The following DSC3 variants were observed in gnomAD, a reference collection of about 807,000 sequenced individuals.
DSC3 encodes desmocollin 3.
DSC3 carries 97 observed loss-of-function variants against 89.5 expected under a neutral mutation model. The ratio of observed to expected loss-of-function variants is 1.08; its 90% CI spans 0.92 to 1.28. The LOEUF (loss-of-function observed/expected upper bound fraction) is 1.28, where lower values mean the gene tolerates loss of function less well. Ranked by LOEUF, DSC3 falls within the 50% of genes most tolerant of loss-of-function variation. The pLI is 0.00. For synonymous variants in DSC3, 436 were observed against 384.1 expected (o/e 1.14, Z -1.58); for missense variants, 1,199 against 1,085.3 (o/e 1.10, Z -1.47).
rs150281676 is a variant in DSC3 at position 31,024,456 on chromosome 18, G to T, written c.668C>A (p.Ala223Glu). Residue 223 changes from alanine to glutamate, a missense_variant, in exon 6 of 16, where the codon GCA becomes GAA. Coordinates refer to ENST00000360428, the MANE Select transcript of DSC3 (RefSeq NM_001941.5). Reference protein sequence around the residue: ...AYASTADGYSADLPLPLPIRV... With the variant: ...AYASTADGYSEDLPLPLPIRV... ...GATGGGTAGTGGGAGGGGCAGATCT[G>T]CTGAATATCCATCTGCAGTTGACGC... 6.2e-7 allele frequency: 1 copy of T among 1,612,700 alleles called. No homozygotes were observed.
intron 12 of DSC3, among the ~76,000 whole-genome samples, chr18:31,005,282 G>A (rs1417854370): frequency 6.6e-6 from 1 of 152,158 alleles, no homozygotes; most frequent in African/African-American, 2.4e-5. Context: ...GCTCCCTCAA[G>A]ACAACAAGTG....
At chr18:31,000,621 A>C (rs1984619992) in intron 14 of DSC3, among the ~76,000 whole-genome samples, 1 of 152,174 alleles carries the variant, frequency 6.6e-6, no homozygotes, top group Admixed American at 6.5e-5. Context: ...GATTTCTTCT[A>C]TTCTAAATCA....
At position 31,029,564 on chromosome 18, in the gene DSC3, A is replaced by AT; in HGVS notation, c.418dup (p.Ile140AsnfsTer21). The AT allele has an allele frequency of 6.2e-7, 1 of 1,613,902 alleles. No individual in the cohort carries two copies. The highest frequency in any genetic ancestry group is 8.5e-7 in the Non-Finnish European group (1 of 1,179,764). On this transcript the variant is annotated frameshift_variant, in exon 4 of 16. Transcript: ENST00000360428. LOFTEE classifies it high-confidence loss of function. ...GGAATTCTCTTGCATAGAGCAAGGA[A>AT]TAGGTGCCCATCTCCTCTTGGCACG...
intron 11 of DSC3, among the ~76,000 whole-genome samples, chr18:31,007,676 A>G (rs1042432218): frequency 9.2e-5 from 14 of 152,190 alleles, no homozygotes; most frequent in Admixed American, 8.5e-4. Flanking sequence ...ATGCAGCTGA[A>G]CTATATAAAA....
At chr18:31,032,092 A>G in intron 2 of DSC3, 100 bp downstream of exon 2, 1 of 795,204 alleles carries the variant, frequency 1.3e-6, no homozygotes, top group Non-Finnish European at 2.2e-6. Context: ...CCTTTTTAGT[A>G]GATTCAGGCT....
intron 11 of DSC3, among the ~76,000 whole-genome samples, chr18:31,007,427 A>T (rs1332796331): frequency 6.6e-6 from 1 of 152,194 alleles, no homozygotes; most frequent in Non-Finnish European, 1.5e-5. Context: ...CAGGTGCCAC[A>T]TGTTAGTAAG....
In DSC3 at chr18:31,024,270, G is replaced by T; in HGVS notation, c.775+79C>A. 3 of 1,367,098 alleles carry T rather than the reference G, an allele frequency of 2.2e-6. No homozygotes were observed. In the South Asian group the frequency reaches 4.7e-5, roughly 21 times the overall value. 84.7% of individuals were successfully genotyped at this position (1,367,098 alleles called of 1,614,324 possible). A position where few individuals can be genotyped will look rare whatever the true frequency, so the allele number is the denominator to read the frequency against. On this transcript the variant is annotated intron_variant, in intron 6 of 15. Transcript: ENST00000360428. ...TTATCTCAGGCTGATCTGGCCTTGA[G>T]TATAAAAAGCTCTATGTCTTTTAAA...
rs779902057 is a variant in DSC3 at position 31,031,122 on chromosome 18, G to C, written c.205C>G (p.Pro69Ala). 7 of 1,613,466 alleles carry C rather than the reference G, an allele frequency of 4.3e-6. No homozygotes were observed. In the South Asian group the frequency reaches 7.7e-5, roughly 18 times the overall value. ...CCATCATTTAGAACTCTGAAATCAG[G>C]ATCACTTGACCGGATGAGGTCTGCA... is the stretch of plus-strand genomic sequence containing the variant. ...RSADLIRSSD[P>A]DFRVLNDGSV... Residue 69 changes from proline (P) to alanine (A), a missense_variant, in exon 3 of 16, where the codon CCT becomes GCT. Transcript: ENST00000360428.
chr18:31,005,758 T>C (rs768948013), intron 12 of DSC3, among the ~76,000 whole-genome samples: 3 of 152,140 alleles, frequency 2.0e-5, no homozygotes, highest in Non-Finnish European at 4.4e-5. Flanking sequence ...AAGGGAGAAG[T>C]AATCAGATGT....
chr18:31,015,775 C>T (rs1192079337), intron 9 of DSC3, among the ~76,000 whole-genome samples: 1 of 152,116 alleles, frequency 6.6e-6, no homozygotes, highest in African/African-American at 2.4e-5. Flanking sequence ...ATTGTCTGCC[C>T]TTCCCAAATC....
intron 9 of DSC3, among the ~76,000 whole-genome samples, chr18:31,010,598 C>A (rs1026793661): frequency 5.3e-5 from 8 of 152,178 alleles, no homozygotes; most frequent in African/African-American, 1.9e-4. Flanking sequence ...AAATTCTCTT[C>A]CACCTCAGGG....
intron 1 of DSC3, among the ~76,000 whole-genome samples, chr18:31,037,763 G>A (rs1417763973): frequency 2.0e-5 from 3 of 152,062 alleles, no homozygotes; most frequent in Admixed American, 2.0e-4. Flanking sequence ...AGCCGGCTGT[G>A]GTGGCACAAG....
chr18:31,008,689 C>T (rs1354436839), intron 9 of DSC3, among the ~76,000 whole-genome samples, 164 bp from the exon 10 acceptor site: 1 of 152,194 alleles, frequency 6.6e-6, no homozygotes, highest in East Asian at 1.9e-4. Flanking sequence ...GGATCCCGTG[C>T]TAAGCCTCTA....
In DSC3 at chr18:31,018,164, T is replaced by C. The variant is rs748911274; in HGVS notation, c.1170A>G (p.Arg390=). 4 of 1,611,728 alleles carry C rather than the reference T, an allele frequency of 2.5e-6. No individual in the cohort carries two copies. In the South Asian group the frequency reaches 3.3e-5, roughly 13 times the overall value. The stretch of plus-strand genomic sequence containing the variant: ...TTCCCTTTAAAATGGTAAAATTGAC[T>C]CTCCAATTGGCAGTGTTAATTAAAT... The part of the protein sequence containing the change: ...DKDLINTANW[R]VNFTILKGNE... The change falls in exon 9 of 16, where the codon AGA becomes AGG. Residue 390 remains arginine (R), a synonymous_variant. Coordinates refer to ENST00000360428, the MANE Select transcript of DSC3 (RefSeq NM_001941.5).
chr18:31,011,994 T>C (rs1985085598), intron 9 of DSC3, among the ~76,000 whole-genome samples: 1 of 93,450 alleles, frequency 1.1e-5, no homozygotes, highest in Non-Finnish European at 2.2e-5. Context: ...AAAAAGTACT[T>C]AAAGACATGA....
At chr18:30,996,471 A>C (rs753326432) in intron 15 of DSC3, among the ~76,000 whole-genome samples, 2 of 152,174 alleles carry the variant, frequency 1.3e-5, no homozygotes, top group Non-Finnish European at 2.9e-5. Flanking sequence ...TGTAATTGTG[A>C]GGAACTAGAA....
intron 9 of DSC3, among the ~76,000 whole-genome samples, chr18:31,009,832 G>A (rs1984996343): frequency 6.6e-6 from 1 of 152,216 alleles, no homozygotes; most frequent in Non-Finnish European, 1.5e-5. Flanking sequence ...TTTGAAGCCA[G>A]GTAGTCTGAC....
chr18:30,996,001 A>G (rs1308709968), intron 15 of DSC3, among the ~76,000 whole-genome samples: 2 of 123,836 alleles, frequency 1.6e-5, no homozygotes, highest in Non-Finnish European at 3.4e-5. Flanking sequence ...AAAAAAAAAG[A>G]AAAGAAAGAA....
At position 30,993,111 on chromosome 18, in the gene DSC3, G is replaced by A. The variant is rs1334301574; in HGVS notation, c.*1064C>T. On this transcript the variant is annotated 3_prime_UTR_variant, in exon 16 of 16. Coordinates refer to ENST00000360428, the MANE Select transcript of DSC3 (RefSeq NM_001941.5). ...TTATTTGGATCTAAATTAAAAAGAT[G>A]TTGGTCACTATAAGAGAGAATAGAA... 4 of 152,182 alleles carry A rather than the reference G, an allele frequency of 2.6e-5. No homozygotes were observed. The highest frequency in any genetic ancestry group is 5.9e-5 in the Non-Finnish European group (4 of 68,030). The allele number at this position is 152,182 out of a possible 1,614,324, so 9.4% of individuals were successfully genotyped here.
Sources: allele counts gnomAD v4.1 joint callset (sites outside exome capture counted in the v4.1 genomes callset), GRCh38; gene constraint gnomAD v4.1.1; transcripts MANE v1.5; gene names NCBI Gene and HGNC (gene_info 2026-07-23, HGNC 2026-07-21).